Variants in AHCY observed in about 807,000 individuals in gnomAD.
AHCY encodes the protein adenosylhomocysteinase.
A neutral mutation model predicts 45.4 loss-of-function variants in AHCY; 24 were observed. The observed-to-expected ratio is 0.53, with a 90% CI of 0.38 to 0.74. The LOEUF is 0.74. AHCY is among the 30% of genes least tolerant of loss of function. The pLI, the probability that AHCY is intolerant of heterozygous loss-of-function variation, is 0.00. For synonymous variants in AHCY, 245 were observed against 235.1 expected (o/e 1.04, Z -0.39); for missense variants, 449 against 594.1 (o/e 0.76, Z 2.54).
the AHCY span, chr20:34,246,030 G>A: frequency 1.0e-6 from 1 of 967,222 alleles, no homozygotes; most frequent in Non-Finnish European, 1.7e-6. Flanking sequence ...CATGAATTAT[G>A]TCATCTGTAA....
upstream of AHCY, among the ~76,000 whole-genome samples, chr20:34,305,193 G>A (rs561559323): frequency 3.8e-4 from 58 of 151,308 alleles, no homozygotes; most frequent in Non-Finnish European, 7.8e-4. Flanking sequence ...GCGTGGTGTC[G>A]GGAGCCTGTA....
chr20:34,278,136 C>T (rs929944077), downstream of AHCY, among the ~76,000 whole-genome samples: 12 of 152,240 alleles, frequency 7.9e-5, no homozygotes, highest in South Asian at 2.1e-4. Flanking sequence ...TGTGGGTACC[C>T]GGTCAGTGTC....
At chr20:34,275,976 C>G (rs914193415), downstream of AHCY, among the ~76,000 whole-genome samples, 14 of 152,080 alleles carry the variant, frequency 9.2e-5, no homozygotes, top group African/African-American at 2.7e-4. Flanking sequence ...CAGGTGTGAG[C>G]TGCTGCACCC....
intron 9 of AHCY, among the ~76,000 whole-genome samples, chr20:34,283,325 C>T (rs2036064004): frequency 6.6e-6 from 1 of 152,170 alleles, no homozygotes; most frequent in African/African-American, 2.4e-5. Context: ...ACCTGACTTT[C>T]CCCATTCGCA....
At chr20:34,304,915 C>T (rs1475658295), upstream of AHCY, among the ~76,000 whole-genome samples, 1 of 151,600 alleles carries the variant, frequency 6.6e-6, no homozygotes, top group Non-Finnish European at 1.5e-5. Context: ...CTCGAACTCC[C>T]GACCTCAGGT....
rs1421122218 is a variant in AHCY, at chr20:34,280,493, C to T, written c.*541G>A. Reference sequence around the variant, plus strand: ...TGCCCCTTAACAGTCTATTCTAACCCCTGTAAAACAGGGACTAAAAGTACT... The same window carrying T: ...TGCCCCTTAACAGTCTATTCTAACCTCTGTAAAACAGGGACTAAAAGTACT... On this transcript the variant is annotated 3_prime_UTR_variant, in exon 10 of 10. Transcript: ENST00000217426. 1 of 181,382 alleles carries T rather than the reference C, an allele frequency of 5.5e-6. No individual in the cohort carries two copies. The highest frequency in any genetic ancestry group is 1.2e-5 in the Non-Finnish European group (1 of 84,100). 11.2% of individuals were successfully genotyped at this position (181,382 alleles called of 1,614,324 possible).
the AHCY span, among the ~76,000 whole-genome samples, chr20:34,239,375 C>T: frequency 6.6e-6 from 1 of 152,110 alleles, no homozygotes; most frequent in African/African-American, 2.4e-5. Context: ...TGCCACCACA[C>T]CTGGCTATTT....
the AHCY span, among the ~76,000 whole-genome samples, chr20:34,252,403 G>A: frequency 6.6e-6 from 1 of 152,166 alleles, no homozygotes; most frequent in African/African-American, 2.4e-5. Flanking sequence ...TAAGTTCAAG[G>A]AAAGGTACTG....
chr20:34,277,218 T>G (rs1188422602), downstream of AHCY, among the ~76,000 whole-genome samples: 1 of 152,052 alleles, frequency 6.6e-6, no homozygotes, highest in African/African-American at 2.4e-5. Flanking sequence ...GCATGGGGCT[T>G]GGTGTGCAGA....
chr20:34,290,401 G>A lies in AHCY; in HGVS notation c.903C>T (p.His301=). The change falls in exon 8 of 10, where the codon CAC becomes CAT. Residue 301 remains histidine, a synonymous_variant. Coordinates refer to ENST00000217426, the MANE Select transcript of AHCY (RefSeq NM_000687.4). The surrounding 1 kb of genome is among the most constrained non-coding windows in gnomAD (Gnocchi z 4.5). ...KDDAIVCNIG[H]FDVEIDVKWL... ...ACTTGACATCGATCTCCACGTCAAA[G>A]TGTCCAATGTTACACACAATGGCAT... is the stretch of plus-strand genomic sequence containing the variant. The A allele has an allele frequency of 6.2e-7, 1 of 1,614,250 alleles. No homozygotes were observed. The highest frequency in any genetic ancestry group is 1.7e-5 in the Admixed American group (1 of 60,036).
the AHCY span, among the ~76,000 whole-genome samples, chr20:34,253,746 T>C: frequency 2.6e-5 from 4 of 152,068 alleles, no homozygotes; most frequent in Non-Finnish European, 5.9e-5. Flanking sequence ...GCTGGGCTTA[T>C]AGGCGTGAGT....
At chr20:34,293,871 T>G in intron 3 of AHCY, 2 of 637,020 alleles carry the variant, frequency 3.1e-6, no homozygotes, top group Non-Finnish European at 5.7e-6. Context: ...TTACACGGCT[T>G]GACCTGGGTC....
Position 34,290,394 on chromosome 20 carries a change from C to T in AHCY, c.910G>A (p.Val304Met), listed in dbSNP as rs567858986. Residue 304 changes from valine (V) to methionine (M), a missense_variant, in exon 8 of 10, where the codon GTG becomes ATG. Transcript: ENST00000217426. This position sits in a 1 kb window ranked among gnomAD's most constrained non-coding sequence, Gnocchi z 4.5. ...AIVCNIGHFD[V>M]EIDVKWLNEN... ...TTGAGCCACTTGACATCGATCTCCA[C>T]GTCAAAGTGTCCAATGTTACACACA... 28 of 1,614,090 alleles carry T rather than the reference C, an allele frequency of 1.7e-5. No individual in the cohort carries two copies. Among genetic ancestry groups the T allele is most frequent in the South Asian group, 5.5e-5 (5 of 91,086 alleles).
At chr20:34,239,419 G>A in the AHCY span, among the ~76,000 whole-genome samples, 1 of 152,136 alleles carries the variant, frequency 6.6e-6, no homozygotes, top group Admixed American at 6.5e-5. Context: ...GTATCACCAT[G>A]TTGGCCAGGC....
chr20:34,293,859 G>T, intron 3 of AHCY: 1 of 612,938 alleles, frequency 1.6e-6, no homozygotes, highest in Non-Finnish European at 2.9e-6. Flanking sequence ...TGCTCTTCCT[G>T]GTTACACGGC....
chr20:34,262,919 T>C, the AHCY span: 1 of 1,613,026 alleles, frequency 6.2e-7, no homozygotes, highest in Non-Finnish European at 8.5e-7. Context: ...TTCTGGGAGT[T>C]CTCATTGTTG....
At chr20:34,244,786 C>T in the AHCY span, among the ~76,000 whole-genome samples, 5 of 152,232 alleles carry the variant, frequency 3.3e-5, no homozygotes, top group South Asian at 2.1e-4. Flanking sequence ...CAGAATAGCT[C>T]GAACAACTCC....
the AHCY span, among the ~76,000 whole-genome samples, chr20:34,271,565 CTTTTTT>C: frequency 8.1e-6 from 1 of 123,410 alleles, no homozygotes; most frequent in East Asian, 2.3e-4. Context: ...TTGAACAAGC[CTTTTTT>C]TTTTTTTTTT....
chr20:34,281,198 T>A (rs2035990894), intron 9 of AHCY, 33 bp from the exon 10 acceptor site: 2 of 1,611,284 alleles, frequency 1.2e-6, no homozygotes, highest in Admixed American at 3.3e-5. Context: ...CGGGAATCAG[T>A]GCCATTTTCT....
Sources: gnomAD v4.1 joint callset for allele counts (sites outside exome capture counted in the v4.1 genomes callset) on GRCh38, gnomAD v4.1.1 for gene constraint, Gnocchi (gnomAD v3.1) non-coding constraint, MANE v1.5 for transcripts, NCBI Gene and HGNC (gene_info 2026-07-23, HGNC 2026-07-21) for gene names.